Variants in RYR2 observed in about 807,000 individuals in gnomAD.
RYR2 encodes the protein ryanodine receptor 2.
RYR2 carries 227 observed loss-of-function variants against 601.1 expected under a neutral mutation model. The ratio of observed to expected loss-of-function variants is 0.38; its 90% CI spans 0.34 to 0.42. RYR2 has a LOEUF of 0.42. Among genes scored for constraint, RYR2 ranks in the 10% least tolerant of loss-of-function variants. The pLI, the probability that RYR2 is intolerant of heterozygous loss-of-function variation, is 1.00. For missense variants in RYR2, 4,646 were observed against 6,156.5 expected, an observed-to-expected ratio of 0.75 and a Z score of 8.21; for synonymous variants, 2,223 against 2,175.1, an observed-to-expected ratio of 1.02 and a Z score of -0.61.
intron 62 of RYR2, among the ~76,000 whole-genome samples, 159 bp from the exon 63 acceptor site, chr1:237,687,296 C>G (rs1686480274): frequency 6.7e-6 from 1 of 148,590 alleles, no homozygotes; most frequent in African/African-American, 2.5e-5. Flanking sequence ...AGAATTGATT[C>G]TTTCTGCGTG....
At chr1:237,653,878 GA>G (rs1285417949) in intron 51 of RYR2, among the ~76,000 whole-genome samples, 3 of 152,218 alleles carry the variant, frequency 2.0e-5, no homozygotes, top group Non-Finnish European at 4.4e-5. Context: ...ACGGGACAAA[GA>G]TAAAGGCCAG....
At chr1:237,601,124 T>C (rs1311113263) in intron 34 of RYR2, among the ~76,000 whole-genome samples, 1 of 152,160 alleles carries the variant, frequency 6.6e-6, no homozygotes, top group Non-Finnish European at 1.5e-5. Flanking sequence ...GGAAGGAATA[T>C]CTGCACTTCT....
In RYR2 at chr1:237,759,323, T is replaced by C. The variant is rs561623456; in HGVS notation, c.11326-453T>C. On this transcript the variant is annotated intron_variant, in intron 82 of 104. Coordinates refer to ENST00000366574, the MANE Select transcript of RYR2 (RefSeq NM_001035.3). ...GGCTGGTCTCAAACTCCTGACCTCA[T>C]GATTTGCCCACCTCAGCCTCCCAAA... Among the ~76,000 whole-genome samples the C allele has an allele frequency of 2.4e-4, 36 of 152,176 alleles. 1 individual carries two copies. The highest frequency in any genetic ancestry group is 6.8e-3 in the Middle Eastern group (2 of 294).
At position 237,627,079 on chromosome 1, in the gene RYR2, A is replaced by T. The variant is rs571319172; in HGVS notation, c.6167-728A>T. Among the ~76,000 whole-genome samples, 40 of 152,338 alleles carry T rather than the reference A, an allele frequency of 2.6e-4. No homozygotes were observed. In the South Asian group the frequency reaches 8.1e-3, roughly 31 times the overall value. ...CAGCCTAATTTGAAAGTCAGCCAGC[A>T]TATTAATACTAGGATTAAGTGCCTC... On this transcript the variant is annotated intron_variant, in intron 40 of 104. Coordinates refer to ENST00000366574, the MANE Select transcript of RYR2 (RefSeq NM_001035.3).
At chr1:237,496,268 C>T (rs988426142) in intron 19 of RYR2, among the ~76,000 whole-genome samples, 6 of 151,984 alleles carry the variant, frequency 3.9e-5, no homozygotes, top group Admixed American at 6.6e-5. Context: ...ATTAGTTGGG[C>T]GTGGTGGCAC....
intron 1 of RYR2, among the ~76,000 whole-genome samples, chr1:237,160,013 G>C (rs1019878532): frequency 2.6e-5 from 4 of 152,268 alleles, no homozygotes; most frequent in Admixed American, 2.0e-4. Context: ...TAGGGACCAT[G>C]CTTTACTAAT....
chr1:237,811,707 A>G (rs1661273198), intron 100 of RYR2, among the ~76,000 whole-genome samples: 2 of 152,182 alleles, frequency 1.3e-5, no homozygotes, highest in South Asian at 2.1e-4. Flanking sequence ...ATGCAGGGGG[A>G]AAAAGCTTTC....
chr1:237,591,107 C>CCTCTTCCCCCTT, intron 31 of RYR2, 115 bp downstream of exon 31: 1 of 184,880 alleles, frequency 5.4e-6, no homozygotes, highest in African/African-American at 3.1e-5. Flanking sequence ...TCCTCCTCCT[C>CCTCTTCCCCCTT]CTCCTCTTCC....
intron 17 of RYR2, among the ~76,000 whole-genome samples, chr1:237,474,248 T>TAA (rs1661133915): frequency 8.2e-6 from 1 of 122,424 alleles, no homozygotes; most frequent in Non-Finnish European, 1.9e-5. Flanking sequence ...TGTATAGATA[T>TAA]ATACATATGT....
chr1:237,633,563 A>C lies in RYR2; in HGVS notation c.6556-15A>C. On this transcript the variant is annotated splice_polypyrimidine_tract_variant and intron_variant, in intron 42 of 104. Coordinates refer to ENST00000366574, the MANE Select transcript of RYR2 (RefSeq NM_001035.3). ...TCGTTTGCTTTCAGCAGCTAATGAC[A>C]TGCTTTATCTGTAGGAAATCACCTT... is the stretch of plus-strand genomic sequence containing the variant. The C allele has an allele frequency of 6.2e-7, 1 of 1,613,604 alleles. No homozygotes were observed. The highest frequency in any genetic ancestry group is 2.2e-5 in the East Asian group (1 of 44,878).
At chr1:237,266,105 C>G (rs755845099) in intron 1 of RYR2, among the ~76,000 whole-genome samples, 2 of 152,152 alleles carry the variant, frequency 1.3e-5, no homozygotes, top group Non-Finnish European at 2.9e-5. Flanking sequence ...CATTTCAGCA[C>G]TCAGAAACAC....
chr1:237,741,533 T>A (rs1221065905), intron 79 of RYR2, among the ~76,000 whole-genome samples: 1 of 152,188 alleles, frequency 6.6e-6, no homozygotes, highest in Non-Finnish European at 1.5e-5. Context: ...TGGTCACTAT[T>A]ATACTACAGA....
intron 2 of RYR2, among the ~76,000 whole-genome samples, chr1:237,311,095 A>G (rs1396615871): frequency 1.3e-5 from 2 of 152,194 alleles, no homozygotes; most frequent in Non-Finnish European, 2.9e-5. Context: ...TATTGATTAT[A>G]TTATTATTAA....
At chr1:237,445,823 T>C (rs1242532370) in intron 14 of RYR2, among the ~76,000 whole-genome samples, 3 of 149,006 alleles carry the variant, frequency 2.0e-5, no homozygotes, top group Non-Finnish European at 4.4e-5. Flanking sequence ...TTTCTTTTCC[T>C]TTTTTCTTTT....
At chr1:237,807,011 CAG>C (rs1318129690) in intron 99 of RYR2, among the ~76,000 whole-genome samples, 3 of 152,170 alleles carry the variant, frequency 2.0e-5, no homozygotes, top group African/African-American at 7.2e-5. Flanking sequence ...CCTTCATTTC[CAG>C]AGTCTTGTAG....
chr1:237,785,503 A>G (rs977059728), intron 90 of RYR2, among the ~76,000 whole-genome samples: 4 of 152,216 alleles, frequency 2.6e-5, no homozygotes, highest in African/African-American at 9.6e-5. Flanking sequence ...TACCTTAAAA[A>G]GTTTATTCCA....
chr1:237,512,827 C>T (rs532925978), intron 24 of RYR2, among the ~76,000 whole-genome samples: 28 of 152,256 alleles, frequency 1.8e-4, no homozygotes, highest in African/African-American at 4.1e-4. Context: ...GCTGTGATCA[C>T]GCCACTGCAC....
chr1:237,346,048 A>T (rs562729641), intron 3 of RYR2, among the ~76,000 whole-genome samples: 1 of 152,248 alleles, frequency 6.6e-6, no homozygotes, highest in South Asian at 2.1e-4. Context: ...ACTTAGAGAA[A>T]GGAGATATTG....
chr1:237,370,493 C>G (rs979638863), intron 6 of RYR2, among the ~76,000 whole-genome samples: 1 of 151,844 alleles, frequency 6.6e-6, no homozygotes, highest in African/African-American at 2.4e-5. Context: ...TCATTGTCTT[C>G]GTGTCAAATA....
Sources: allele counts gnomAD v4.1 joint callset (sites outside exome capture counted in the v4.1 genomes callset), GRCh38; gene constraint gnomAD v4.1.1; transcripts MANE v1.5; gene names NCBI Gene and HGNC (gene_info 2026-07-23, HGNC 2026-07-21).